Variants in CNBD1 observed in about 807,000 individuals in gnomAD.
CNBD1 encodes cyclic nucleotide binding domain containing 1.
Under a neutral mutation model 54.4 loss-of-function variants are expected in CNBD1, and 71 were observed. That is an observed-to-expected ratio of 1.30 (90% CI 1.08 to 1.59). The LOEUF is 1.59. Among genes scored for constraint, CNBD1 ranks in the 40% most tolerant of loss-of-function variants. The pLI is 0.00. For synonymous variants in CNBD1, 182 were observed against 170.7 expected, an observed-to-expected ratio of 1.07 and a Z score of -0.51; for missense variants, 659 against 518.0, an observed-to-expected ratio of 1.27 and a Z score of -2.64.
intron 6 of CNBD1, among the ~76,000 whole-genome samples, chr8:87,242,340 T>A (rs1408709090): frequency 6.6e-6 from 1 of 152,152 alleles, no homozygotes; most frequent in Non-Finnish European, 1.5e-5. Flanking sequence ...GGCACCTTTT[T>A]AAGTCTGATA....
chr8:87,158,015 CT>C (rs913720848), intron 4 of CNBD1, among the ~76,000 whole-genome samples: 10 of 151,938 alleles, frequency 6.6e-5, no homozygotes, highest in African/African-American at 2.2e-4. Flanking sequence ...ACTACTGATT[CT>C]TTTTTTAATG....
chr8:87,383,314 A>T (rs542898448), downstream of CNBD1, among the ~76,000 whole-genome samples: 6 of 152,208 alleles, frequency 3.9e-5, no homozygotes, highest in Middle Eastern at 0.017. Context: ...CAGACCCATG[A>T]TCTTATACCT....
chr8:87,379,158 C>T (rs1811019000), intron 10 of CNBD1, among the ~76,000 whole-genome samples: 1 of 151,850 alleles, frequency 6.6e-6, no homozygotes, highest in African/African-American at 2.4e-5. Context: ...CCTTCTCCTG[C>T]CTAATTGCCC....
intron 4 of CNBD1, among the ~76,000 whole-genome samples, chr8:87,071,717 A>T (rs1161087801): frequency 2.0e-5 from 3 of 151,982 alleles, no homozygotes; most frequent in African/African-American, 7.2e-5. Context: ...GCTGAGGAAT[A>T]TTTTACTCCT....
intron 4 of CNBD1, among the ~76,000 whole-genome samples, chr8:87,117,090 T>C (rs1284059510): frequency 6.6e-6 from 1 of 152,074 alleles, no homozygotes; most frequent in East Asian, 1.9e-4. Context: ...TTATATCTAC[T>C]TGAACATCAT....
chr8:87,307,206 T>C (rs1487121745), intron 8 of CNBD1, among the ~76,000 whole-genome samples: 2 of 152,208 alleles, frequency 1.3e-5, no homozygotes, highest in African/African-American at 2.4e-5. Context: ...TGATTAAATA[T>C]GTACTTACAA....
intron 8 of CNBD1, among the ~76,000 whole-genome samples, chr8:87,291,803 A>C (rs1808791627): frequency 6.6e-6 from 1 of 151,686 alleles, no homozygotes; most frequent in Non-Finnish European, 1.5e-5. Flanking sequence ...TTATCTTAAC[A>C]CTCATTATGC....
intron 4 of CNBD1, among the ~76,000 whole-genome samples, chr8:87,170,899 G>A (rs1333892682): frequency 6.6e-6 from 1 of 152,058 alleles, no homozygotes; most frequent in African/African-American, 2.4e-5. Flanking sequence ...TTACGGTGTT[G>A]TTGAATTTGG....
chr8:87,382,888 A>C, downstream of CNBD1: 1 of 357,058 alleles, frequency 2.8e-6, no homozygotes, highest in Admixed American at 4.3e-5. Context: ...TTTTCTTTCA[A>C]GTGTTTCGGT....
downstream of CNBD1, among the ~76,000 whole-genome samples, chr8:87,383,903 G>A (rs909156195): frequency 2.3e-4 from 35 of 152,208 alleles, no homozygotes; most frequent in African/African-American, 7.7e-4. Flanking sequence ...AGTTTAGAAT[G>A]CTATTTATAA....
At chr8:86,938,633 C>G (rs1809594060) in intron 3 of CNBD1, among the ~76,000 whole-genome samples, 1 of 152,164 alleles carries the variant, frequency 6.6e-6, no homozygotes, top group African/African-American at 2.4e-5. Flanking sequence ...TACTCACTAT[C>G]ATGAGAACAG....
intron 4 of CNBD1, among the ~76,000 whole-genome samples, chr8:87,180,137 G>A (rs1055310509): frequency 1.3e-5 from 2 of 151,916 alleles, no homozygotes; most frequent in East Asian, 3.9e-4. Context: ...ACATGAGACT[G>A]CCCAGGAAAT....
chr8:87,366,273 T>C (rs1359923417), intron 10 of CNBD1, among the ~76,000 whole-genome samples: 3 of 152,104 alleles, frequency 2.0e-5, no homozygotes, highest in African/African-American at 7.2e-5. Context: ...TTTAGGGCTG[T>C]GGAGAAGAGG....
chr8:87,113,952 G>A (rs1393348281), intron 4 of CNBD1, among the ~76,000 whole-genome samples: 2 of 151,806 alleles, frequency 1.3e-5, no homozygotes, highest in East Asian at 1.9e-4. Flanking sequence ...AGAAATGATG[G>A]CACTATGCCT....
chr8:86,972,601 ATAGG>A (rs1808249128), intron 4 of CNBD1, among the ~76,000 whole-genome samples: 2 of 152,200 alleles, frequency 1.3e-5, no homozygotes, highest in Admixed American at 6.5e-5. Flanking sequence ...TATGCACATA[ATAGG>A]TAAGATACAC....
chr8:87,010,732 G>A (rs938147594), intron 4 of CNBD1, among the ~76,000 whole-genome samples: 9 of 152,250 alleles, frequency 5.9e-5, no homozygotes, highest in East Asian at 5.8e-4. Flanking sequence ...GCAACAGAGC[G>A]AAACTCTGTC....
At chr8:87,167,166 A>T (rs572964216) in intron 4 of CNBD1, among the ~76,000 whole-genome samples, 2 of 152,004 alleles carry the variant, frequency 1.3e-5, no homozygotes, top group Non-Finnish European at 2.9e-5. Flanking sequence ...TTATTTTTAT[A>T]TTCAATCAAG....
intron 4 of CNBD1, among the ~76,000 whole-genome samples, chr8:87,138,074 A>C (rs1769772542): frequency 6.6e-6 from 1 of 152,212 alleles, no homozygotes; most frequent in African/African-American, 2.4e-5. Context: ...TTTCCCTGAT[A>C]GTTACCAGAT....
intron 10 of CNBD1, among the ~76,000 whole-genome samples, chr8:87,361,801 G>A (rs1203490522): frequency 2.0e-5 from 3 of 150,616 alleles, no homozygotes; most frequent in South Asian, 4.2e-4. Flanking sequence ...ATAGATGGGG[G>A]GGTAGAATTT....
Sources: gnomAD v4.1 joint callset for allele counts (sites outside exome capture counted in the v4.1 genomes callset) on GRCh38, gnomAD v4.1.1 for gene constraint, MANE v1.5 for transcripts, NCBI Gene and HGNC (gene_info 2026-07-23, HGNC 2026-07-21) for gene names.